The following IL1RL1 variants were observed in gnomAD, a reference collection of about 807,000 sequenced individuals.
IL1RL1 encodes the protein interleukin-1 receptor-like 1.
Under a neutral mutation model 50.9 loss-of-function variants are expected in IL1RL1, and 32 were observed. The observed-to-expected ratio is 0.63, with a 90% CI of 0.47 to 0.84. The LOEUF is 0.84. IL1RL1 is among the 40% of genes least tolerant of loss of function. The probability of loss-of-function intolerance (pLI) is 0.00; values close to 1 mark genes in which losing one functional copy is unlikely to be tolerated. For missense variants in IL1RL1, 773 were observed against 662.9 expected (o/e 1.17, Z -1.82); for synonymous variants, 275 against 236.0 (o/e 1.17, Z -1.51).
intron 10 of IL1RL1, among the ~76,000 whole-genome samples, chr2:102,351,059 G>C (rs890659067): frequency 2.6e-5 from 4 of 152,192 alleles, no homozygotes; most frequent in Non-Finnish European, 5.9e-5. Context: ...TGGGGGTGAA[G>C]TAAAGTCAGG....
At chr2:102,339,069 T>C in intron 3 of IL1RL1, 22 bp downstream of exon 3, 1 of 1,557,242 alleles carries the variant, frequency 6.4e-7, no homozygotes, top group Non-Finnish European at 8.9e-7. Context: ...AAGGCTCCCA[T>C]CTTCTTTCAC....
chr2:102,348,912 T>C (rs543116948), intron 9 of IL1RL1, among the ~76,000 whole-genome samples, 167 bp from the exon 10 acceptor site: 75 of 152,332 alleles, frequency 4.9e-4, no homozygotes, highest in East Asian at 2.9e-3. Flanking sequence ...TTCCTGATAG[T>C]GTTTTGTGGC....
Position 102,351,865 on chromosome 2 carries a change from A to G in IL1RL1, c.1615A>G (p.Ser539Gly), listed in dbSNP as rs1410818898. 4 of 1,613,948 alleles carry G rather than the reference A, an allele frequency of 2.5e-6. No homozygotes were observed. The highest frequency in any genetic ancestry group is 1.3e-5 in the African/African-American group (1 of 75,038). The change falls in exon 11 of 11, where the codon AGC becomes GGC. Residue 539 changes from serine (S) to glycine (G), a missense_variant. Transcript: ENST00000233954. ...KHVRYQMPVPSKIPRKASSLT... is the reference protein window; with the variant it reads ...KHVRYQMPVPGKIPRKASSLT... ...CGTGAGGTACCAAATGCCTGTGCCA[A>G]GCAAAATTCCCAGAAAGGCCTCTAG...
chr2:102,312,004 T>TAAATATA (rs1676520997), intron 1 of IL1RL1, among the ~76,000 whole-genome samples: 1 of 34,010 alleles, frequency 2.9e-5, no homozygotes, highest in Non-Finnish European at 5.3e-5. Context: ...ATAATATATT[T>TAAATATA]ATATATATTA....
At chr2:102,313,886 G>C (rs13011148) in intron 1 of IL1RL1, among the ~76,000 whole-genome samples, 2 of 152,170 alleles carry the variant, frequency 1.3e-5, no homozygotes, top group African/African-American at 2.4e-5. Context: ...TCCTACTACA[G>C]GTTGGTGGAA....
Position 102,324,538 on chromosome 2 carries a change from C to T in IL1RL1, c.-150+12915C>T, listed in dbSNP as rs575942646. 5.3e-4 allele frequency among the ~76,000 whole-genome samples: 81 copies of T among 152,278 alleles called. No homozygotes were observed. The East Asian group carries it at 0.013, about 24-fold the overall frequency. On this transcript the variant is annotated intron_variant, in intron 1 of 10. Coordinates refer to ENST00000233954, the MANE Select transcript of IL1RL1 (RefSeq NM_016232.5). The stretch of plus-strand genomic sequence containing the variant: ...TGGGTGCAGAGCACTGAGCGTGAGC[C>T]AAAGCAGGGCGAGGCATCGCTTCAC...
At chr2:102,330,236 A>G (rs1468334729) in intron 1 of IL1RL1, among the ~76,000 whole-genome samples, 2 of 152,066 alleles carry the variant, frequency 1.3e-5, no homozygotes, top group Non-Finnish European at 2.9e-5. Context: ...AAACTATCGC[A>G]AGGACAAAAA....
At chr2:102,333,808 G>T (rs1250426113) in intron 1 of IL1RL1, among the ~76,000 whole-genome samples, 1 of 152,038 alleles carries the variant, frequency 6.6e-6, no homozygotes, top group Admixed American at 6.6e-5. Flanking sequence ...CCATGGTTTA[G>T]CTCCCACATA....
At chr2:102,342,956 G>GT (rs879599400) in intron 6 of IL1RL1, 80 bp from the exon 7 acceptor site, 17,080 of 1,159,084 alleles carry the variant, frequency 0.015, 2 homozygotes, top group Non-Finnish European at 0.016. Flanking sequence ...GTTCAGTAAG[G>GT]TTTTTTTTTT....
rs35298562 is a variant in IL1RL1 at position 102,343,318 on chromosome 2, C to T, written c.873C>T (p.Asp291=). 4,147 of 1,614,166 alleles carry T rather than the reference C, an allele frequency of 2.6e-3. 107 individuals carry two copies. The African/African-American group carries it at 0.048, about 18-fold the overall frequency. ...TAGACATGGTTTTAAGAATAGCTGA[C>T]GTGAAGGAAGAGGATTTATTGCTGC... The part of the protein sequence containing the change: ...ACLDMVLRIA[D]VKEEDLLLQY... The change falls in exon 8 of 11, where the codon GAC becomes GAT. Residue 291 remains aspartate, a synonymous_variant. Coordinates refer to ENST00000233954, the MANE Select transcript of IL1RL1 (RefSeq NM_016232.5).
At chr2:102,351,450 T>C in intron 10 of IL1RL1, 86 bp from the exon 11 acceptor site, 2 of 1,227,486 alleles carry the variant, frequency 1.6e-6, no homozygotes, top group Non-Finnish European at 2.3e-6. Context: ...CACCAGATTA[T>C]AACAATAAGA....
chr2:102,321,674 A>C (rs997024852), intron 1 of IL1RL1, among the ~76,000 whole-genome samples: 5 of 152,188 alleles, frequency 3.3e-5, no homozygotes, highest in African/African-American at 1.2e-4. Context: ...TGGATGACCC[A>C]ATCTCTCTCT....
chr2:102,312,956 C>T (rs1412541526), intron 1 of IL1RL1: 2 of 151,996 alleles, frequency 1.3e-5, no homozygotes, highest in African/African-American at 4.8e-5. Flanking sequence ...AACAGTTCTC[C>T]TACTAGATCC....
At chr2:102,316,782 C>A (rs1021539742) in intron 1 of IL1RL1, among the ~76,000 whole-genome samples, 1 of 152,064 alleles carries the variant, frequency 6.6e-6, no homozygotes, top group Non-Finnish European at 1.5e-5. Context: ...ATTTAAGAGA[C>A]AAAATATTAT....
chr2:102,315,399 C>T (rs1008847759), intron 1 of IL1RL1, among the ~76,000 whole-genome samples: 1 of 152,174 alleles, frequency 6.6e-6, no homozygotes, highest in Non-Finnish European at 1.5e-5. Flanking sequence ...AAGAACCTCA[C>T]ACTATACTTG....
intron 1 of IL1RL1, among the ~76,000 whole-genome samples, chr2:102,314,648 G>T (rs1461296620): frequency 1.3e-5 from 2 of 152,170 alleles, no homozygotes; most frequent in East Asian, 1.9e-4. Flanking sequence ...TGGAACAAAG[G>T]CTTCCCTGTC....
At chr2:102,337,123 T>C (rs1677354182) in intron 1 of IL1RL1, 1 of 152,264 alleles carries the variant, frequency 6.6e-6, no homozygotes, top group African/African-American at 2.4e-5. Context: ...TTTAAATATT[T>C]ATTTGTCAAC....
intron 1 of IL1RL1, among the ~76,000 whole-genome samples, chr2:102,319,935 C>T (rs1676789724): frequency 6.6e-6 from 1 of 152,158 alleles, no homozygotes; most frequent in African/African-American, 2.4e-5. Flanking sequence ...GCAGTCCTCC[C>T]ACCTCAGCCT....
chr2:102,330,456 G>T (rs189341651), intron 1 of IL1RL1, among the ~76,000 whole-genome samples: 1 of 152,096 alleles, frequency 6.6e-6, no homozygotes, highest in Non-Finnish European at 1.5e-5. Flanking sequence ...AAACCTGCAC[G>T]TTGTGCACAT....
Sources: allele counts gnomAD v4.1 joint callset (sites outside exome capture counted in the v4.1 genomes callset), GRCh38; gene constraint gnomAD v4.1.1; transcripts MANE v1.5; gene names NCBI Gene and HGNC (gene_info 2026-07-23, HGNC 2026-07-21).